Variants in ITGAL observed in about 807,000 individuals in gnomAD.
The protein encoded by ITGAL is integrin alpha-L.
A neutral mutation model predicts 138.4 loss-of-function variants in ITGAL; 68 were observed. The ratio of observed to expected loss-of-function variants is 0.49; its 90% confidence interval spans 0.40 to 0.60. The LOEUF (loss-of-function observed/expected upper bound fraction) is 0.60, where lower values mean the gene tolerates loss of function less well. Among genes scored for constraint, ITGAL ranks in the 20% least tolerant of loss-of-function variants. The pLI, the probability that ITGAL is intolerant of heterozygous loss-of-function variation, is 0.00. For synonymous variants in ITGAL, 561 were observed against 584.3 expected, an observed-to-expected ratio of 0.96 and a Z score of 0.57; for missense variants, 1,256 against 1,478.6, an observed-to-expected ratio of 0.85 and a Z score of 2.47.
At chr16:30,479,566 G>A in intron 6 of ITGAL, 105 bp downstream of exon 6, 1 of 1,152,638 alleles carries the variant, frequency 8.7e-7, no homozygotes, top group East Asian at 2.6e-5. Flanking sequence ...CAGAGCCTAT[G>A]GGCATGGCTA....
chr16:30,502,720 C>G (rs113907898), intron 17 of ITGAL, among the ~76,000 whole-genome samples: 4,372 of 151,112 alleles, frequency 0.029, 85 homozygotes, highest in Non-Finnish European at 0.048. Context: ...TGCATTCCAG[C>G]CTGGGCAATG....
intron 26 of ITGAL, among the ~76,000 whole-genome samples, chr16:30,517,332 C>T (rs1167395362): frequency 6.6e-6 from 1 of 152,100 alleles, no homozygotes; most frequent in Non-Finnish European, 1.5e-5. Context: ...GTGGCCCGTG[C>T]CCGTGGTCTC....
At chr16:30,478,029 A>AGAAG (rs1187105582) in intron 4 of ITGAL, among the ~76,000 whole-genome samples, 1 of 151,168 alleles carries the variant, frequency 6.6e-6, no homozygotes, top group East Asian at 2.0e-4. Flanking sequence ...GGAAGGAAGG[A>AGAAG]GAAGGAAGGA....
chr16:30,499,711 A>ATGTATATATATG (rs1555507155), intron 17 of ITGAL, among the ~76,000 whole-genome samples: 6 of 93,828 alleles, frequency 6.4e-5, no homozygotes, highest in Non-Finnish European at 9.4e-5. Context: ...ATATATATAT[A>ATGTATATATATG]TGTATATATA....
intron 15 of ITGAL, 31 bp downstream of exon 15, chr16:30,496,597 G>C: frequency 1.3e-6 from 2 of 1,590,092 alleles, no homozygotes; most frequent in Non-Finnish European, 1.7e-6. Flanking sequence ...CACACCTGAT[G>C]ACCCCAGCTC....
chr16:30,516,811 C>T (rs11647246), intron 25 of ITGAL, among the ~76,000 whole-genome samples, 162 bp from the exon 26 acceptor site: 10,994 of 152,232 alleles, frequency 0.072, 550 homozygotes, highest in African/African-American at 0.13. Flanking sequence ...GCCCTGAGGA[C>T]GGAAGCTGGC....
Position 30,474,229 on chromosome 16 carries a change from G to A in ITGAL, c.95G>A (p.Gly32Asp). ...TCGAGCTACAACCTGGACGTGCGGG[G>A]CGCGCGGAGCTTCTCCCCACCGCGC... ...PASSYNLDVR[G>D]ARSFSPPRAG... The change falls in exon 2 of 31, where the codon GGC (glycine) becomes GAC (aspartate). Residue 32 changes from glycine (G) to aspartate (D), a missense_variant. This residue lies in a region of ITGAL where 212 missense variants were observed against 217.4 expected (regional missense o/e 0.98). Coordinates refer to ENST00000356798, the MANE Select transcript of ITGAL (RefSeq NM_002209.3). 1.9e-6 allele frequency: 3 copies of A among 1,608,550 alleles called. No individual in the cohort carries two copies. The highest frequency in any genetic ancestry group is 2.2e-5 in the East Asian group (1 of 44,610).
At position 30,517,893 on chromosome 16, in the gene ITGAL, G is replaced by A. The variant is rs199892523; in HGVS notation, c.3130G>A (p.Glu1044Lys). ...IGTLELVGEI[E>K]ASSMFSLCSS... Reference sequence around the variant, plus strand: ...GACTCTGGAGCTGGTGGGAGAGATCGAGGTAGTCCCCGCTCCTAAGAGATG... The same window carrying A: ...GACTCTGGAGCTGGTGGGAGAGATCAAGGTAGTCCCCGCTCCTAAGAGATG... The change falls in exon 28 of 31, where the codon GAG (glutamate) becomes AAG (lysine). Residue 1044 changes from glutamate to lysine, a missense_variant and splice_region_variant. Around this residue, in one of 3 missense-constraint regions of ITGAL, gnomAD observed 867 missense variants for 972.5 expected, o/e 0.89. Coordinates refer to ENST00000356798, the MANE Select transcript of ITGAL (RefSeq NM_002209.3). 11 of 1,613,520 alleles carry A rather than the reference G, an allele frequency of 6.8e-6. No individual in the cohort carries two copies. Among genetic ancestry groups the A allele is most frequent in the South Asian group, 4.4e-5 (4 of 91,076 alleles).
intron 9 of ITGAL, among the ~76,000 whole-genome samples, chr16:30,488,293 G>A (rs896782424): frequency 6.6e-6 from 1 of 152,078 alleles, no homozygotes; most frequent in Non-Finnish European, 1.5e-5. Flanking sequence ...GACTCCAGGT[G>A]GATTTGGTTT....
intron 21 of ITGAL, 43 bp from the exon 22 acceptor site, chr16:30,510,318 G>T: frequency 8.4e-7 from 1 of 1,190,960 alleles, no homozygotes; most frequent in Non-Finnish European, 1.3e-6. Context: ...GGGGAAACTT[G>T]GCCTTGCTCA....
rs527375203 is a variant in ITGAL at position 30,518,517 on chromosome 16, C to G, written c.3133-107C>G. ...AGTTGTGTAGAGATGGGTGCACCCC[C>G]CTGGAACCCCTTCTCTGCCCCTCCC... On this transcript the variant is annotated intron_variant, in intron 28 of 30. Transcript: ENST00000356798. 43 of 738,886 alleles carry G rather than the reference C, an allele frequency of 5.8e-5. No homozygotes were observed. The South Asian group carries it at 6.2e-4, about 11-fold the overall frequency. 45.8% of individuals were successfully genotyped at this position (738,886 alleles called of 1,614,324 possible).
chr16:30,509,127 G>A (rs2051050355), intron 21 of ITGAL, among the ~76,000 whole-genome samples: 1 of 146,518 alleles, frequency 6.8e-6, no homozygotes, highest in African/African-American at 2.5e-5. Context: ...AGTGAGCCAA[G>A]ATCACTCTAC....
chr16:30,474,478 C>A, intron 2 of ITGAL, 180 bp downstream of exon 2: 1 of 591,320 alleles, frequency 1.7e-6, no homozygotes. Flanking sequence ...GATCAAAAAG[C>A]GGGATACACG....
intron 4 of ITGAL, 40 bp downstream of exon 4, chr16:30,475,620 G>A: frequency 6.8e-7 from 1 of 1,462,856 alleles, no homozygotes; most frequent in Non-Finnish European, 9.6e-7. Flanking sequence ...AGCCTGTGAA[G>A]CTCAATTCAA....
Position 30,506,687 on chromosome 16 carries a change from T to C in ITGAL, c.2367-28T>C, listed in dbSNP as rs764194786. 2.0e-6 allele frequency: 3 copies of C among 1,518,400 alleles called. No homozygotes were observed. In the East Asian group the frequency reaches 8.8e-5, roughly 45 times the overall value. 94.1% of individuals were successfully genotyped at this position (1,518,400 alleles called of 1,614,324 possible). On this transcript the variant is annotated intron_variant, in intron 20 of 30. Coordinates refer to ENST00000356798, the MANE Select transcript of ITGAL (RefSeq NM_002209.3). Reference sequence around the variant, plus strand: ...TATTCCCCACCCTGATCCTCCCTCCTCCATCTTTCCCTGATCATCCCCCAC... The same window carrying C: ...TATTCCCCACCCTGATCCTCCCTCCCCCATCTTTCCCTGATCATCCCCCAC...
In ITGAL at chr16:30,496,308, C is replaced by T. The variant is rs201709247; in HGVS notation, c.1701+14C>T. The T allele has an allele frequency of 1.2e-4, 199 of 1,600,054 alleles. No individual in the cohort carries two copies. The East Asian group carries it at 4.4e-3, about 35-fold the overall frequency. On this transcript the variant is annotated intron_variant, in intron 14 of 30. Transcript: ENST00000356798. ...CAGCCAAGTCAGGTGACGTATGCTG[C>T]CTGCCAATCACACTCCATTCTCAGG...
intron 11 of ITGAL, among the ~76,000 whole-genome samples, chr16:30,492,400 G>A (rs547596193): frequency 1.5e-4 from 22 of 151,706 alleles, no homozygotes; most frequent in African/African-American, 5.1e-4. Flanking sequence ...ACAGGTGCCC[G>A]CCACCACGCC....
chr16:30,499,880 C>T (rs1336088420), intron 17 of ITGAL, among the ~76,000 whole-genome samples: 6 of 147,634 alleles, frequency 4.1e-5, no homozygotes, highest in Non-Finnish European at 6.0e-5. Flanking sequence ...TCCCGAGTAC[C>T]TGGGATTACA....
intron 4 of ITGAL, among the ~76,000 whole-genome samples, chr16:30,477,678 T>C (rs2050490337): frequency 6.7e-6 from 1 of 149,626 alleles, no homozygotes; most frequent in South Asian, 2.1e-4. Flanking sequence ...CGCTTGAGCC[T>C]AGGAGTTTAA....
Sources: gnomAD v4.1 joint callset for allele counts (sites outside exome capture counted in the v4.1 genomes callset) on GRCh38, gnomAD v4.1.1 for gene constraint, gnomAD v4.1.1 regional missense constraint, MANE v1.5 for transcripts, NCBI Gene and HGNC (gene_info 2026-07-23, HGNC 2026-07-21) for gene names.